Variants in IMMP2L observed in about 807,000 individuals in gnomAD.
IMMP2L encodes inner mitochondrial membrane peptidase subunit 2, also known as mitochondrial inner membrane protease subunit 2.
In IMMP2L, 18 loss-of-function variants were observed where a neutral mutation model predicts 19.3. The ratio of observed to expected loss-of-function variants is 0.93; its 90% CI spans 0.64 to 1.38. The LOEUF is 1.38. Ranked by LOEUF, IMMP2L falls within the 40% of genes most tolerant of loss-of-function variation. IMMP2L has a pLI of 0.00. For synonymous variants in IMMP2L, 76 were observed against 73.0 expected (o/e 1.04, Z -0.21); for missense variants, 233 against 218.2 (o/e 1.07, Z -0.43).
intron 4 of IMMP2L, among the ~76,000 whole-genome samples, chr7:110,898,276 T>C (rs1446605364): frequency 2.0e-5 from 3 of 151,800 alleles, no homozygotes; most frequent in Non-Finnish European, 4.4e-5. Flanking sequence ...GGAGTATTAA[T>C]TAAGGGCAAT....
chr7:111,081,718 A>T (rs1281415603), intron 3 of IMMP2L, among the ~76,000 whole-genome samples: 1 of 152,212 alleles, frequency 6.6e-6, no homozygotes, highest in Non-Finnish European at 1.5e-5. Context: ...AAGTAGCTCA[A>T]CACAGAGGTA....
At chr7:111,537,687 C>T (rs1319259051) in intron 1 of IMMP2L, among the ~76,000 whole-genome samples, 1 of 151,758 alleles carries the variant, frequency 6.6e-6, no homozygotes, top group Admixed American at 6.6e-5. Flanking sequence ...AGGTATGTGC[C>T]ACCACACCTG....
At chr7:111,537,453 T>G (rs530062274) in intron 1 of IMMP2L, among the ~76,000 whole-genome samples, 1 of 151,706 alleles carries the variant, frequency 6.6e-6, no homozygotes, top group Non-Finnish European at 1.5e-5. Context: ...TCATTTTCTA[T>G]AGGATAATAT....
At chr7:111,140,688 G>A (rs1802790167) in intron 3 of IMMP2L, among the ~76,000 whole-genome samples, 1 of 152,146 alleles carries the variant, frequency 6.6e-6, no homozygotes, top group South Asian at 2.1e-4. Flanking sequence ...AATGTCACAG[G>A]ATGTAGAACT....
intron 5 of IMMP2L, among the ~76,000 whole-genome samples, chr7:110,801,195 A>C (rs1319717006): frequency 5.9e-5 from 9 of 152,078 alleles, no homozygotes; most frequent in Non-Finnish European, 1.0e-4. Context: ...AGCCAAAACT[A>C]CTCATATGCT....
At chr7:111,124,053 C>T in intron 3 of IMMP2L, 1 of 1,614,056 alleles carries the variant, frequency 6.2e-7, no homozygotes, top group Non-Finnish European at 8.5e-7. Context: ...CTCCTGAGAG[C>T]TTTCCTTCTA....
rs1311626995 is a variant in IMMP2L at position 110,760,192 on chromosome 7, T to C, written c.409-96471A>G. Among the ~76,000 whole-genome samples, 2 of 152,240 alleles carry C rather than the reference T, an allele frequency of 1.3e-5. No individual in the cohort carries two copies. The highest frequency in any genetic ancestry group is 3.9e-4 in the East Asian group (2 of 5,170). On this transcript the variant is annotated intron_variant, in intron 5 of 5. Transcript: ENST00000405709. This position sits in a 1 kb window ranked among gnomAD's most constrained non-coding sequence, Gnocchi z 4.2. ...CACCTTGAGAATTCAGTCTCAATTC[T>C]CCACGTCCAGGCCTAAGATAGTATC...
chr7:110,747,624 A>C (rs1188390587), intron 5 of IMMP2L, among the ~76,000 whole-genome samples: 1 of 152,234 alleles, frequency 6.6e-6, no homozygotes, highest in Non-Finnish European at 1.5e-5. Context: ...AATCCATGAC[A>C]TAAACAGAAC....
chr7:111,241,925 CATG>C (rs1182783448), intron 3 of IMMP2L, among the ~76,000 whole-genome samples: 1 of 151,828 alleles, frequency 6.6e-6, no homozygotes, highest in Non-Finnish European at 1.5e-5. Flanking sequence ...TGTAGCAAAA[CATG>C]TTGTTAAAGT....
At chr7:111,266,275 G>GCTCA (rs1817821098) in intron 3 of IMMP2L, among the ~76,000 whole-genome samples, 1 of 152,086 alleles carries the variant, frequency 6.6e-6, no homozygotes, top group Non-Finnish European at 1.5e-5. Context: ...AGGCACGGTG[G>GCTCA]CTCACACCTG....
At chr7:111,184,664 C>G (rs1052672859) in intron 3 of IMMP2L, among the ~76,000 whole-genome samples, 13 of 152,064 alleles carry the variant, frequency 8.5e-5, no homozygotes, top group African/African-American at 2.9e-4. Context: ...ATAAATGTCA[C>G]AAGTGCAACA....
chr7:110,969,841 A>G (rs2073537689), intron 3 of IMMP2L, among the ~76,000 whole-genome samples: 1 of 152,108 alleles, frequency 6.6e-6, no homozygotes, highest in African/African-American at 2.4e-5. Flanking sequence ...CACTGGAGAG[A>G]TTCCAGTCAG....
chr7:111,184,391 A>G (rs1368813019), intron 3 of IMMP2L, among the ~76,000 whole-genome samples: 1 of 152,082 alleles, frequency 6.6e-6, no homozygotes, highest in Non-Finnish European at 1.5e-5. Context: ...TGTGTGTAGT[A>G]TTCCAAAGTA....
At chr7:110,838,322 A>G (rs1370540809) in intron 5 of IMMP2L, among the ~76,000 whole-genome samples, 1 of 152,150 alleles carries the variant, frequency 6.6e-6, no homozygotes, top group Non-Finnish European at 1.5e-5. Flanking sequence ...GTATTTATGC[A>G]TCTTCAATGG....
At chr7:110,779,590 C>T (rs1402530712) in intron 5 of IMMP2L, among the ~76,000 whole-genome samples, 1 of 151,852 alleles carries the variant, frequency 6.6e-6, no homozygotes, top group Non-Finnish European at 1.5e-5. Flanking sequence ...AAACAGTCTA[C>T]AATGCACAGA....
chr7:110,827,982 G>A (rs2131369920), intron 5 of IMMP2L, among the ~76,000 whole-genome samples: 1 of 152,222 alleles, frequency 6.6e-6, no homozygotes, highest in African/African-American at 2.4e-5. Context: ...TCACCTAACA[G>A]CCATGCAGTT....
At chr7:111,081,340 CTG>C (rs1429466031) in intron 3 of IMMP2L, among the ~76,000 whole-genome samples, 10 of 152,278 alleles carry the variant, frequency 6.6e-5, no homozygotes, top group South Asian at 6.2e-4. Context: ...TCTGACAATG[CTG>C]TGTTAGTGTT....
chr7:111,347,327 A>G (rs1185688893), intron 3 of IMMP2L, among the ~76,000 whole-genome samples: 1 of 152,050 alleles, frequency 6.6e-6, no homozygotes, highest in Non-Finnish European at 1.5e-5. Flanking sequence ...ACTTATTTTT[A>G]TGGGTACACA....
intron 5 of IMMP2L, among the ~76,000 whole-genome samples, chr7:110,798,322 C>T (rs186088327): frequency 2.0e-5 from 3 of 151,848 alleles, no homozygotes; most frequent in South Asian, 2.1e-4. Context: ...AACACATTTC[C>T]GAGGAACATT....
Sources: gnomAD v4.1 joint callset for allele counts (sites outside exome capture counted in the v4.1 genomes callset) on GRCh38, gnomAD v4.1.1 for gene constraint, Gnocchi (gnomAD v3.1) non-coding constraint, MANE v1.5 for transcripts, NCBI Gene and HGNC (gene_info 2026-07-23, HGNC 2026-07-21) for gene names.